EXT2: variants seen among roughly 807,000 people sequenced by gnomAD.
EXT2 encodes the protein exostosin glycosyltransferase 2, also known as exostosin-2.
EXT2 carries 53 observed loss-of-function variants against 81.6 expected under a neutral mutation model. The ratio of observed to expected loss-of-function variants is 0.65; its 90% CI spans 0.52 to 0.82. The LOEUF (loss-of-function observed/expected upper bound fraction) is 0.82. Ranked by LOEUF, EXT2 falls within the 40% of genes least tolerant of loss-of-function variation. The pLI is 0.00. For synonymous variants in EXT2, 320 were observed against 340.0 expected, an observed-to-expected ratio of 0.94 and a Z score of 0.65; for missense variants, 774 against 910.2, an observed-to-expected ratio of 0.85 and a Z score of 1.93.
intron 13 of EXT2, among the ~76,000 whole-genome samples, chr11:44,243,086 T>A (rs1287503051): frequency 6.6e-6 from 1 of 152,206 alleles, no homozygotes; most frequent in East Asian, 1.9e-4. Flanking sequence ...ATAACAAATT[T>A]TTTTAGAAAC....
intron 10 of EXT2, among the ~76,000 whole-genome samples, chr11:44,224,348 C>CTATCTA (rs1021953069): frequency 1.3e-5 from 2 of 151,920 alleles, no homozygotes; most frequent in South Asian, 2.1e-4. Flanking sequence ...GGAGATCTAT[C>CTATCTA]TATCTATATC....
intron 13 of EXT2, among the ~76,000 whole-genome samples, chr11:44,239,717 G>C (rs1187028213): frequency 1.1e-5 from 1 of 91,972 alleles, no homozygotes; most frequent in Non-Finnish European, 2.1e-5. Context: ...TTTTTTTTTG[G>C]AAGACCAGAG....
chr11:44,203,321 A>C (rs1037503292), intron 9 of EXT2, among the ~76,000 whole-genome samples: 2 of 152,210 alleles, frequency 1.3e-5, no homozygotes, highest in Admixed American at 1.3e-4. Flanking sequence ...GGTTACAGAA[A>C]ATAAACTTGG....
chr11:44,112,243 C>T (rs1276169747), intron 3 of EXT2, among the ~76,000 whole-genome samples: 1 of 152,090 alleles, frequency 6.6e-6, no homozygotes, highest in African/African-American at 2.4e-5. Context: ...AATACAAGGC[C>T]GTGGAGAGGA....
chr11:44,184,473 C>T lies in EXT2; in HGVS notation c.1305+12731C>T, dbSNP rs982087901. 7.2e-5 allele frequency among the ~76,000 whole-genome samples: 11 copies of T among 152,128 alleles called. No individual in the cohort carries two copies. The East Asian group carries it at 9.7e-4, about 13-fold the overall frequency. ...CTCTTTATATAATTACATTGAGGGC[C>T]GGGCGCGGTGGCTCACGCCTATAAT... is the stretch of plus-strand genomic sequence containing the variant. On this transcript the variant is annotated intron_variant, in intron 8 of 13. Coordinates refer to ENST00000533608, the MANE Select transcript of EXT2 (RefSeq NM_207122.2).
intron 10 of EXT2, among the ~76,000 whole-genome samples, chr11:44,214,178 A>G (rs563383723): frequency 5.2e-4 from 79 of 152,104 alleles, no homozygotes; most frequent in African/African-American, 1.9e-3. Context: ...CAGTGGCGCA[A>G]TCTCGGCTCA....
At chr11:44,200,806 C>G (rs540239855) in intron 9 of EXT2, among the ~76,000 whole-genome samples, 1 of 152,170 alleles carries the variant, frequency 6.6e-6, no homozygotes. Flanking sequence ...GCAGGATGGA[C>G]TTGGGGTCAT....
chr11:44,126,910 C>T lies in EXT2; in HGVS notation c.1034C>T (p.Ala345Val), dbSNP rs1954415484. The change falls in exon 6 of 14, where the codon GCA (alanine) becomes GTA (valine). Residue 345 changes from alanine to valine, a missense_variant. Ala to Val is a moderately conservative substitution (Grantham distance 64). Coordinates refer to ENST00000533608, the MANE Select transcript of EXT2 (RefSeq NM_207122.2). ...LQAGCVPVVI[A>V]DSYILPFSEV... ...GCTGGCTGTGTCCCGGTTGTCATTG[C>T]AGACTCCTATATTTTGCCTTTCTCT... 2 of 1,614,206 alleles carry T rather than the reference C, an allele frequency of 1.2e-6. No homozygotes were observed. The highest frequency in any genetic ancestry group is 1.7e-6 in the Non-Finnish European group (2 of 1,180,046).
At chr11:44,226,794 C>T (rs1181941544) in intron 10 of EXT2, among the ~76,000 whole-genome samples, 2 of 152,250 alleles carry the variant, frequency 1.3e-5, no homozygotes, top group African/African-American at 4.8e-5. Flanking sequence ...TCTTGGCTGA[C>T]CCAGCCATGT....
intron 8 of EXT2, among the ~76,000 whole-genome samples, chr11:44,182,360 GAT>G (rs372809368): frequency 1.1e-4 from 16 of 152,068 alleles, no homozygotes; most frequent in African/African-American, 3.6e-4. Context: ...CTTCTTCCAG[GAT>G]ACCAAGTATC....
intron 10 of EXT2, among the ~76,000 whole-genome samples, chr11:44,207,576 G>A (rs557144772): frequency 8.5e-5 from 13 of 152,308 alleles, no homozygotes; most frequent in African/African-American, 3.1e-4. Flanking sequence ...CAGGGTGTAC[G>A]TGAGATGCAT....
intron 9 of EXT2, among the ~76,000 whole-genome samples, chr11:44,205,110 G>C (rs990693476): frequency 6.6e-6 from 1 of 152,102 alleles, no homozygotes; most frequent in Non-Finnish European, 1.5e-5. Context: ...TTTATTTTCT[G>C]TGTATCACTG....
chr11:44,137,750 C>G (rs1195697284), intron 7 of EXT2, among the ~76,000 whole-genome samples: 2 of 152,136 alleles, frequency 1.3e-5, no homozygotes, highest in Non-Finnish European at 2.9e-5. Context: ...CTCACCTAAG[C>G]ATTCTTTAAA....
chr11:44,190,996 G>A (rs1955384521), intron 8 of EXT2, among the ~76,000 whole-genome samples: 2 of 152,186 alleles, frequency 1.3e-5, no homozygotes, highest in African/African-American at 4.8e-5. Context: ...CCTTTGAACT[G>A]GTAGCTGACT....
At chr11:44,237,670 A>T (rs1042741859) in intron 13 of EXT2, among the ~76,000 whole-genome samples, 1 of 152,124 alleles carries the variant, frequency 6.6e-6, no homozygotes, top group Non-Finnish European at 1.5e-5. Flanking sequence ...GAAAGGAAGT[A>T]TAGGAAGAAA....
At chr11:44,227,401 G>A (rs892341088) in intron 10 of EXT2, among the ~76,000 whole-genome samples, 7 of 152,202 alleles carry the variant, frequency 4.6e-5, no homozygotes, top group Admixed American at 4.6e-4. Context: ...TCAGTGAGGA[G>A]GAAGATAAAA....
chr11:44,191,147 T>C (rs1051754682), intron 8 of EXT2, among the ~76,000 whole-genome samples: 2 of 152,254 alleles, frequency 1.3e-5, no homozygotes, highest in African/African-American at 4.8e-5. Flanking sequence ...GCTGGCATTG[T>C]GACCTGACAG....
intron 13 of EXT2, among the ~76,000 whole-genome samples, chr11:44,241,666 C>T (rs183070092): frequency 5.1e-4 from 78 of 152,304 alleles, no homozygotes; most frequent in African/African-American, 1.8e-3. Flanking sequence ...CTTCCCCAGA[C>T]ACCTTCATCA....
At chr11:44,101,595 T>C (rs1565194040) in intron 1 of EXT2, among the ~76,000 whole-genome samples, 1 of 152,180 alleles carries the variant, frequency 6.6e-6, no homozygotes, top group Admixed American at 6.5e-5. Flanking sequence ...CTCCTGCCTG[T>C]TTTCCTGGGA....
Sources: gnomAD v4.1 joint callset for allele counts (sites outside exome capture counted in the v4.1 genomes callset) on GRCh38, gnomAD v4.1.1 for gene constraint, MANE v1.5 for transcripts, NCBI Gene and HGNC (gene_info 2026-07-23, HGNC 2026-07-21) for gene names.